The following KALRN variants were observed in gnomAD, a reference collection of about 807,000 sequenced individuals.
KALRN encodes kalirin RhoGEF kinase.
Under a neutral mutation model 353.7 loss-of-function variants are expected in KALRN, and 70 were observed. That is an observed-to-expected ratio of 0.20 (90% CI 0.16 to 0.24). The LOEUF (loss-of-function observed/expected upper bound fraction) is 0.24. Ranked by LOEUF, KALRN falls within the 10% of genes least tolerant of loss-of-function variation. KALRN has a pLI of 1.00. For synonymous variants in KALRN, 1,391 were observed against 1,434.8 expected, an observed-to-expected ratio of 0.97 and a Z score of 0.69; for missense variants, 2,791 against 3,756.7, an observed-to-expected ratio of 0.74 and a Z score of 6.72.
chr3:124,087,175 C>T (rs2060871006), intron 1 of KALRN, among the ~76,000 whole-genome samples: 1 of 152,108 alleles, frequency 6.6e-6, no homozygotes, highest in Non-Finnish European at 1.5e-5. Flanking sequence ...AATAAATTTT[C>T]TAGCATGTTG....
Position 124,269,271 on chromosome 3 carries a change from G to A in KALRN, c.969+16G>A, listed in dbSNP as rs748143035. 1.9e-6 allele frequency: 3 copies of A among 1,572,816 alleles called. No homozygotes were observed. The highest frequency in any genetic ancestry group is 2.6e-6 in the Non-Finnish European group (3 of 1,155,372). ...TGCTGAGAAGGTAGGAAGGGAACAG[G>A]CCAAACCTGAGCCGGGATGGGGGTG... On this transcript the variant is annotated intron_variant, in intron 5 of 59. Coordinates refer to ENST00000682506, the MANE Select transcript of KALRN (RefSeq NM_001388419.1).
At chr3:124,312,149 T>C (rs72976562) in intron 6 of KALRN, among the ~76,000 whole-genome samples, 9,556 of 152,298 alleles carry the variant, frequency 0.063, 942 homozygotes, top group East Asian at 0.47. Flanking sequence ...CTTTTTATTT[T>C]ATTTCATTCC....
intron 1 of KALRN, among the ~76,000 whole-genome samples, chr3:124,167,664 C>T (rs2071089052): frequency 6.6e-6 from 1 of 152,224 alleles, no homozygotes; most frequent in East Asian, 1.9e-4. Flanking sequence ...GCATGACTCT[C>T]TTTGTGGACA....
At chr3:124,275,186 G>A (rs1210516109) in intron 5 of KALRN, among the ~76,000 whole-genome samples, 1 of 152,186 alleles carries the variant, frequency 6.6e-6, no homozygotes, top group Middle Eastern at 3.2e-3. Flanking sequence ...GGTGGTGGTA[G>A]CTTTGGAGGT....
intron 10 of KALRN, among the ~76,000 whole-genome samples, chr3:124,361,830 T>C (rs1232811241): frequency 6.9e-6 from 1 of 145,108 alleles, no homozygotes; most frequent in African/African-American, 2.6e-5. Context: ...GTAGTGATGG[T>C]GGCAGCAGTG....
At chr3:124,161,452 C>G (rs183461390) in intron 1 of KALRN, among the ~76,000 whole-genome samples, 2 of 152,126 alleles carry the variant, frequency 1.3e-5, no homozygotes, top group Non-Finnish European at 2.9e-5. Context: ...GATCTGAGAT[C>G]GCTTCTCCCC....
chr3:124,496,006 T>TATATATATATATATATAC (rs2063781456), intron 32 of KALRN, among the ~76,000 whole-genome samples: 2 of 54,970 alleles, frequency 3.6e-5, no homozygotes, highest in Non-Finnish European at 6.1e-5. Flanking sequence ...TATATATATA[T>TATATATATATATATATAC]ATATATACAC....
chr3:124,481,039 G>A (rs905155607), intron 27 of KALRN, among the ~76,000 whole-genome samples: 17 of 152,066 alleles, frequency 1.1e-4, no homozygotes, highest in East Asian at 5.8e-4. Context: ...TTGCTGGATC[G>A]TGTGGTAACT....
At chr3:124,247,361 C>T (rs935674346) in intron 3 of KALRN, among the ~76,000 whole-genome samples, 3 of 152,286 alleles carry the variant, frequency 2.0e-5, no homozygotes, top group Non-Finnish European at 4.4e-5. Context: ...GATTACTCTT[C>T]TTCAACTACA....
intron 15 of KALRN, among the ~76,000 whole-genome samples, chr3:124,423,714 T>C (rs1332929539): frequency 2.6e-5 from 4 of 152,080 alleles, no homozygotes; most frequent in Admixed American, 6.6e-5. Flanking sequence ...CACAAAAAAT[T>C]CTCAATATTA....
At chr3:124,512,088 G>A (rs1235648697) in intron 33 of KALRN, among the ~76,000 whole-genome samples, 2 of 152,212 alleles carry the variant, frequency 1.3e-5, no homozygotes, top group African/African-American at 4.8e-5. Flanking sequence ...TATATCTCTG[G>A]TTTGTGTATA....
chr3:124,314,381 A>G (rs1352107730), intron 6 of KALRN, among the ~76,000 whole-genome samples: 2 of 151,476 alleles, frequency 1.3e-5, no homozygotes, highest in Admixed American at 1.3e-4. Flanking sequence ...GGATAGCATT[A>G]GGAGATATAC....
At chr3:124,388,488 G>A (rs9879750) in intron 11 of KALRN, among the ~76,000 whole-genome samples, 17,739 of 152,164 alleles carry the variant, frequency 0.12, 1,280 homozygotes, top group Non-Finnish European at 0.16. Context: ...TAGATGTGTA[G>A]CTAGAGATAC....
At chr3:124,504,090 A>G (rs539399424) in intron 33 of KALRN, among the ~76,000 whole-genome samples, 1 of 152,176 alleles carries the variant, frequency 6.6e-6, no homozygotes, top group Non-Finnish European at 1.5e-5. Flanking sequence ...TTGGACCCGC[A>G]TAAAAATTTG....
At chr3:124,388,631 A>C (rs1283862727) in intron 11 of KALRN, among the ~76,000 whole-genome samples, 1 of 152,208 alleles carries the variant, frequency 6.6e-6, no homozygotes, top group Non-Finnish European at 1.5e-5. Context: ...CCCTTCAATC[A>C]CATTTTAATC....
intron 10 of KALRN, 43 bp downstream of exon 10, chr3:124,347,308 G>C: frequency 6.4e-7 from 1 of 1,563,706 alleles, no homozygotes. Flanking sequence ...GTGTGTGTGT[G>C]TGTGTGTGTG....
chr3:124,442,268 A>G (rs2093693397), intron 19 of KALRN, among the ~76,000 whole-genome samples: 1 of 152,142 alleles, frequency 6.6e-6, no homozygotes, highest in Admixed American at 6.5e-5. Flanking sequence ...CAAGGATAAA[A>G]TTTCCCCAAG....
In KALRN at chr3:124,153,850, G is replaced by T. The variant is rs373596201; in HGVS notation, c.74-74140G>T. Among the ~76,000 whole-genome samples the T allele has an allele frequency of 7.0e-4, 106 of 152,110 alleles. No homozygotes were observed. In the South Asian group the frequency reaches 0.015, roughly 21 times the overall value. On this transcript the variant is annotated intron_variant, in intron 1 of 59. Transcript: ENST00000682506. ...TGTTATCTCATTGTGGTTTTGATTT[G>T]CATTTCTCTGATGGCCAGTGATGAT... is the stretch of plus-strand genomic sequence containing the variant.
intron 1 of KALRN, among the ~76,000 whole-genome samples, chr3:124,171,600 AAAT>A (rs1457882539): frequency 2.3e-4 from 35 of 152,172 alleles, no homozygotes; most frequent in African/African-American, 8.4e-4. Context: ...GGGGGTAGCA[AAAT>A]AGACCCTACC....
Sources: allele counts gnomAD v4.1 joint callset (sites outside exome capture counted in the v4.1 genomes callset), GRCh38; gene constraint gnomAD v4.1.1; transcripts MANE v1.5; gene names NCBI Gene and HGNC (gene_info 2026-07-23, HGNC 2026-07-21).